The following PER2 variants were observed in gnomAD, a reference collection of about 807,000 sequenced individuals.
The protein encoded by PER2 is period circadian protein homolog 2.
Under a neutral mutation model 121.0 loss-of-function variants are expected in PER2, and 66 were observed. The ratio of observed to expected loss-of-function variants is 0.55; its 90% CI spans 0.45 to 0.67. The LOEUF is 0.67. Ranked by LOEUF, PER2 falls within the 30% of genes least tolerant of loss-of-function variation. The pLI, the probability that PER2 is intolerant of heterozygous loss-of-function variation, is 0.00. For missense variants in PER2, 1,521 were observed against 1,635.0 expected, an observed-to-expected ratio of 0.93 and a Z score of 1.20; for synonymous variants, 684 against 659.9, an observed-to-expected ratio of 1.04 and a Z score of -0.56.
chr2:238,247,192 C>T (rs1695472403), intron 22 of PER2: 1 of 152,308 alleles, frequency 6.6e-6, no homozygotes, highest in Non-Finnish European at 1.5e-5. Context: ...AGGCATTTGC[C>T]TCTAACAAAG....
chr2:238,260,128 G>A (rs1048037683), intron 13 of PER2, 75 bp from the exon 14 acceptor site: 10 of 699,216 alleles, frequency 1.4e-5, no homozygotes, highest in South Asian at 1.3e-4. Context: ...AGTGAGAACA[G>A]AGGATGGCTG....
At chr2:238,250,884 C>T (rs1302562751) in intron 20 of PER2, 141 bp from the exon 21 acceptor site, 1 of 668,646 alleles carries the variant, frequency 1.5e-6, no homozygotes, top group Non-Finnish European at 2.7e-6. Flanking sequence ...GTGCATGTTC[C>T]CCTTCTCTCC....
At chr2:238,284,624 T>C (rs1470034939) in intron 1 of PER2, among the ~76,000 whole-genome samples, 3 of 152,320 alleles carry the variant, frequency 2.0e-5, no homozygotes, top group Admixed American at 2.0e-4. Flanking sequence ...ATCAGGTATC[T>C]GAAGCCACCA....
In PER2 at chr2:238,245,309, G is replaced by C. The variant is rs534746856; in HGVS notation, c.*1066C>G. 6 of 349,556 alleles carry C rather than the reference G, an allele frequency of 1.7e-5. No homozygotes were observed. Among genetic ancestry groups the C allele is most frequent in the Non-Finnish European group, 3.1e-5 (6 of 194,990 alleles). The allele number at this position is 349,556 out of a possible 1,614,324, so 21.7% of individuals were successfully genotyped here. On this transcript the variant is annotated 3_prime_UTR_variant, in exon 23 of 23. Transcript: ENST00000254657. ...TGGCAGAGGCCTGAAGCTGCTCCGA[G>C]AGAGGTCGGGCTCATGAAAAGAATG...
intron 1 of PER2, 29 bp downstream of exon 1, chr2:238,288,320 A>G (rs1259841858): frequency 6.6e-6 from 1 of 152,256 alleles, no homozygotes; most frequent in Non-Finnish European, 1.5e-5. Context: ...GTCACTCGGT[A>G]GCTCGGTGCC....
intron 8 of PER2, among the ~76,000 whole-genome samples, chr2:238,266,710 G>C (rs576756240): frequency 1.3e-5 from 2 of 152,282 alleles, no homozygotes; most frequent in South Asian, 4.2e-4. Flanking sequence ...TGCAGAGAAA[G>C]TCACATACTT....
rs757336090 is a variant in PER2 at position 238,265,576 on chromosome 2, G to A, written c.982C>T (p.Pro328Ser). The A allele has an allele frequency of 1.9e-6, 3 of 1,601,252 alleles. No homozygotes were observed. Among genetic ancestry groups the A allele is most frequent in the Admixed American group, 3.3e-5 (2 of 60,002 alleles). The change falls in exon 9 of 23, where the codon CCT (proline) becomes TCT (serine). Residue 328 changes from proline (P) to serine (S), a missense_variant. Coordinates refer to ENST00000254657, the MANE Select transcript of PER2 (RefSeq NM_022817.3). ...GTGGTTGTAAAAATTCTCTTTTCAG[G>A]AGGAATTCTAGGGGCTGAAAGAACA... Reference protein sequence around the residue: ...HSGYEAPRIPPEKRIFTTTHT... With the variant: ...HSGYEAPRIPSEKRIFTTTHT...
rs769090176 is a variant in PER2 at position 238,275,903 on chromosome 2, G to C, written c.294-6C>G. 6.8e-6 allele frequency: 11 copies of C among 1,614,228 alleles called. No homozygotes were observed. Among genetic ancestry groups the C allele is most frequent in the African/African-American group, 2.7e-5 (2 of 75,072 alleles). The stretch of plus-strand genomic sequence containing the variant: ...CTTTCGAAGACTGGTCGCTACTGCA[G>C]GATTCAAGAAAGAGGCAGCCAAATG... On this transcript the variant is annotated splice_region_variant and splice_polypyrimidine_tract_variant and intron_variant, in intron 3 of 22. Transcript: ENST00000254657.
At position 238,268,072 on chromosome 2, in the gene PER2, C is replaced by T. The variant is rs1443949857; in HGVS notation, c.951G>A (p.Val317=). ...QLCCLLLAER[V]HSGYEAPRIP... The stretch of plus-strand genomic sequence containing the variant: ...GGCTGTTACCTTCATAACCAGAGTG[C>T]ACTCTCTCTGCCAGCAGAAGGCAGC... The change falls in exon 8 of 23, where the codon GTG becomes GTA. Residue 317 remains valine, a synonymous_variant. Coordinates refer to ENST00000254657, the MANE Select transcript of PER2 (RefSeq NM_022817.3). This position sits in a 1 kb window ranked among gnomAD's most constrained non-coding sequence, Gnocchi z 4.0. 2 of 1,613,900 alleles carry T rather than the reference C, an allele frequency of 1.2e-6. No homozygotes were observed. The highest frequency in any genetic ancestry group is 2.7e-5 in the African/African-American group (2 of 74,924).
chr2:238,281,321 T>C (rs2106328640), intron 1 of PER2, among the ~76,000 whole-genome samples: 1 of 152,268 alleles, frequency 6.6e-6, no homozygotes, highest in East Asian at 1.9e-4. Flanking sequence ...TATTAATAGC[T>C]TTGAGAGGAA....
chr2:238,295,021 G>A (rs1322750200), upstream of PER2, among the ~76,000 whole-genome samples: 1 of 152,224 alleles, frequency 6.6e-6, no homozygotes, highest in East Asian at 1.9e-4. Context: ...CCTTGGGAGG[G>A]TGAAGGCTCA....
At chr2:238,263,923 TGAA>T (rs1696016690) in intron 9 of PER2, among the ~76,000 whole-genome samples, 1 of 148,838 alleles carries the variant, frequency 6.7e-6, no homozygotes, top group Admixed American at 6.8e-5. Flanking sequence ...AAGGCCTTGC[TGAA>T]GGAGGAAGAA....
intron 6 of PER2, 29 bp downstream of exon 6, chr2:238,271,283 G>C: frequency 6.3e-7 from 1 of 1,596,178 alleles, no homozygotes. Flanking sequence ...GACCCCAGAG[G>C]GAACAAGGCA....
At chr2:238,256,133 GAAC>G (rs1695753857) in intron 17 of PER2, among the ~76,000 whole-genome samples, 2 of 152,246 alleles carry the variant, frequency 1.3e-5, no homozygotes, top group African/African-American at 4.8e-5. Context: ...AGGTGCTCAG[GAAC>G]CTGGGGCTGA....
chr2:238,299,979 G>A, the PER2 span: 4 of 152,274 alleles, frequency 2.6e-5, no homozygotes, highest in African/African-American at 9.6e-5. Flanking sequence ...GCCAGCAGGA[G>A]CTGAAGGAAC....
At chr2:238,273,259 T>G in intron 4 of PER2, 68 bp from the exon 5 acceptor site, 12 of 1,540,286 alleles carry the variant, frequency 7.8e-6, no homozygotes, top group Non-Finnish European at 9.8e-6. Context: ...TCACTAGCTC[T>G]TACAAACTGA....
chr2:238,277,773 C>T lies in PER2; in HGVS notation c.164G>A (p.Gly55Asp), dbSNP rs1696500016. The T allele has an allele frequency of 6.2e-7, 1 of 1,614,224 alleles. No individual in the cohort carries two copies. The highest frequency in any genetic ancestry group is 8.5e-7 in the Non-Finnish European group (1 of 1,180,040). The change falls in exon 2 of 23, where the codon GGC becomes GAC. Residue 55 changes from glycine to aspartate, a missense_variant. By Grantham distance (94) the Gly-to-Asp change is moderately conservative. Transcript: ENST00000254657. ...ENCSTGRDSQ[G>D]SDCDDSGKEL... ...CTTCCCACTGTCGTCACAGTCACTG[C>T]CCTGCGAGTCCCGCCCCGTGGAGCA...
At chr2:238,293,063 C>A (rs1429773996), upstream of PER2, among the ~76,000 whole-genome samples, 1 of 150,070 alleles carries the variant, frequency 6.7e-6, no homozygotes. Context: ...TTTCATCATA[C>A]ATAGGTGCAG....
At chr2:238,261,907 C>T in intron 11 of PER2, 70 bp from the exon 12 acceptor site, 4 of 1,089,366 alleles carry the variant, frequency 3.7e-6, no homozygotes, top group East Asian at 2.6e-5. Flanking sequence ...ACTGTATAGC[C>T]ACTACATGCT....
Sources: gnomAD v4.1 joint callset for allele counts (sites outside exome capture counted in the v4.1 genomes callset) on GRCh38, gnomAD v4.1.1 for gene constraint, Gnocchi (gnomAD v3.1) non-coding constraint, MANE v1.5 for transcripts, NCBI Gene and HGNC (gene_info 2026-07-23, HGNC 2026-07-21) for gene names.